Variants in HINT3 observed in about 807,000 individuals in gnomAD.
HINT3 encodes the protein adenosine 5'-monophosphoramidase HINT3.
HINT3 carries 16 observed loss-of-function variants against 19.1 expected under a neutral mutation model. That is an observed-to-expected ratio of 0.84 (90% CI 0.57 to 1.27). The LOEUF (loss-of-function observed/expected upper bound fraction) is 1.27, where lower values mean the gene tolerates loss of function less well. HINT3 is among the 50% of genes most tolerant of loss of function. The probability of loss-of-function intolerance (pLI) is 0.00; values close to 1 mark genes in which losing one functional copy is unlikely to be tolerated. For missense variants in HINT3, 197 were observed against 225.8 expected (o/e 0.87, Z 0.82); for synonymous variants, 75 against 84.8 (o/e 0.88, Z 0.63).
At chr6:125,977,088 A>G (rs941555984) in intron 4 of HINT3, among the ~76,000 whole-genome samples, 1 of 152,160 alleles carries the variant, frequency 6.6e-6, no homozygotes, top group Non-Finnish European at 1.5e-5. Context: ...TCCATAGTTT[A>G]CTTTTGAGTT....
Position 125,958,234 on chromosome 6 carries a change from T to C in HINT3, c.201+1056T>C, listed in dbSNP as rs537053446. ...CCCCCGAGAGGTTCAGTTTGTGTGA[T>C]AGAAAAACTAACAGAAATTGTCTAA... On this transcript the variant is annotated intron_variant, in intron 1 of 4. Coordinates refer to ENST00000229633, the MANE Select transcript of HINT3 (RefSeq NM_138571.5). Among the ~76,000 whole-genome samples, 6 of 151,880 alleles carry C rather than the reference T, an allele frequency of 4.0e-5. No individual in the cohort carries two copies. The South Asian group carries it at 8.3e-4, about 21-fold the overall frequency.
rs560134920 is a variant in HINT3, at chr6:125,970,858, C to T, written c.320-1401C>T. 2.0e-5 allele frequency among the ~76,000 whole-genome samples: 3 copies of T among 151,946 alleles called. No individual in the cohort carries two copies. In the South Asian group the frequency reaches 6.2e-4, roughly 32 times the overall value. ...AATTAAATTAGAAAAAGAAAAAATTCCAAAAAAAGATATAGTCTGGCTTGA... is the reference window on the plus strand; with the variant it reads ...AATTAAATTAGAAAAAGAAAAAATTTCAAAAAAAGATATAGTCTGGCTTGA... On this transcript the variant is annotated intron_variant, in intron 2 of 4. Transcript: ENST00000229633.
At position 125,974,929 on chromosome 6, in the gene HINT3, T is replaced by C. The variant is rs2128712045; in HGVS notation, c.472T>C (p.Leu158=). The C allele has an allele frequency of 6.2e-7, 1 of 1,614,030 alleles. No homozygotes were observed. Among genetic ancestry groups the C allele is most frequent in the East Asian group, 2.2e-5 (1 of 44,866 alleles). ...VLAPVDQLGF[L]SKLVYRVNSY... is the part of the protein sequence containing the mutation. ...GGCACCAGTGGATCAGCTTGGCTTC[T>C]TATCCAAGTTGGTTTATAGAGTCAA... The change falls in exon 4 of 5, where the codon TTA becomes CTA. Residue 158 remains leucine, a synonymous_variant. Transcript: ENST00000229633.
chr6:125,967,070 G>A (rs1789029218), intron 2 of HINT3, 66 bp downstream of exon 2: 2 of 1,000,498 alleles, frequency 2.0e-6, no homozygotes, highest in African/African-American at 1.6e-5. Flanking sequence ...TGGCAGTGAA[G>A]ATTAAAAAGA....
At chr6:125,962,637 C>T (rs1788960790) in intron 1 of HINT3, among the ~76,000 whole-genome samples, 1 of 152,052 alleles carries the variant, frequency 6.6e-6, no homozygotes, top group African/African-American at 2.4e-5. Flanking sequence ...ATTGGAGTTA[C>T]CAGCATCATG....
intron 4 of HINT3, among the ~76,000 whole-genome samples, chr6:125,977,439 A>G (rs1789194777): frequency 6.6e-6 from 1 of 152,160 alleles, no homozygotes; most frequent in South Asian, 2.1e-4. Context: ...TGAATTTGCA[A>G]TGTAGGCAAC....
In HINT3 at chr6:125,966,767, G is replaced by T; in HGVS notation, c.202-120G>T. On this transcript the variant is annotated intron_variant, in intron 1 of 4. Coordinates refer to ENST00000229633, the MANE Select transcript of HINT3 (RefSeq NM_138571.5). ...GTAATTATAAAATTGCCCAGTGGGG[G>T]TTAGGTGTAACATAAGTATCATTTC... is the stretch of plus-strand genomic sequence containing the variant. 4 of 594,968 alleles carry T rather than the reference G, an allele frequency of 6.7e-6. No homozygotes were observed. The South Asian group carries it at 9.7e-5, about 14-fold the overall frequency. 36.9% of individuals were successfully genotyped at this position (594,968 alleles called of 1,614,324 possible). A position where few individuals can be genotyped will look rare whatever the true frequency, so the allele number is the denominator to read the frequency against.
At chr6:125,967,900 T>G (rs1198444679) in intron 2 of HINT3, among the ~76,000 whole-genome samples, 1 of 152,214 alleles carries the variant, frequency 6.6e-6, no homozygotes, top group Non-Finnish European at 1.5e-5. Context: ...TACTCATGCC[T>G]TCTGTGGCTT....
At chr6:125,976,686 A>G (rs751549070) in intron 4 of HINT3, among the ~76,000 whole-genome samples, 14 of 152,072 alleles carry the variant, frequency 9.2e-5, no homozygotes, top group Non-Finnish European at 1.9e-4. Context: ...TTACTTGGAA[A>G]ACATCTTATA....
chr6:125,963,077 C>T (rs568511689), intron 1 of HINT3, among the ~76,000 whole-genome samples: 5 of 152,294 alleles, frequency 3.3e-5, no homozygotes, highest in African/African-American at 1.2e-4. Flanking sequence ...AGATGGTTAG[C>T]ATCCCCGATC....
chr6:125,968,368 A>G (rs939721006), intron 2 of HINT3, among the ~76,000 whole-genome samples: 4 of 152,272 alleles, frequency 2.6e-5, no homozygotes, highest in African/African-American at 9.6e-5. Context: ...GCTGCATAGT[A>G]TTACATGGTA....
rs770827496 is a variant in HINT3, at chr6:125,956,947, C to A, written c.-31C>A. On this transcript the variant is annotated 5_prime_UTR_variant, in exon 1 of 5. Coordinates refer to ENST00000229633, the MANE Select transcript of HINT3 (RefSeq NM_138571.5). ...CGCGGGCCCGGTAGCCCTGGAGAGG[C>A]CGAGGCTCTAGGCCGCGAGGGGCGG... is the stretch of plus-strand genomic sequence containing the variant. 476 of 1,545,118 alleles carry A rather than the reference C, an allele frequency of 3.1e-4. No individual in the cohort carries two copies. The highest frequency in any genetic ancestry group is 4.0e-4 in the Non-Finnish European group (458 of 1,144,488).
intron 1 of HINT3, among the ~76,000 whole-genome samples, chr6:125,963,428 A>G (rs1379911191): frequency 1.3e-5 from 2 of 152,214 alleles, no homozygotes; most frequent in Non-Finnish European, 1.5e-5. Context: ...TTAGTTCTGC[A>G]TTACAGAAAG....
rs371993982 is a variant in HINT3, at chr6:125,962,189, CAT to C, written c.202-4678_202-4677del. Among the ~76,000 whole-genome samples, 234 of 64,272 alleles carry C rather than the reference CAT, an allele frequency of 3.6e-3. 19 individuals carry two copies. Among genetic ancestry groups the C allele is most frequent in the Middle Eastern group, 8.3e-3 (1 of 120 alleles). 42.2% of individuals were successfully genotyped at this position (64,272 alleles called of 152,430 possible). ...ATATATATATATATATATATATACA[CAT>C]ATATATATATATATATATACACATA... On this transcript the variant is annotated intron_variant, in intron 1 of 4. Coordinates refer to ENST00000229633, the MANE Select transcript of HINT3 (RefSeq NM_138571.5).
In HINT3 at chr6:125,975,064, G is replaced by A. The variant is rs1037993845; in HGVS notation, c.516+91G>A. 3.3e-5 allele frequency: 40 copies of A among 1,203,556 alleles called. No individual in the cohort carries two copies. In the African/African-American group the frequency reaches 5.6e-4, roughly 17 times the overall value. 74.6% of individuals were successfully genotyped at this position (1,203,556 alleles called of 1,614,324 possible). On this transcript the variant is annotated intron_variant, in intron 4 of 4. Coordinates refer to ENST00000229633, the MANE Select transcript of HINT3 (RefSeq NM_138571.5). The stretch of plus-strand genomic sequence containing the variant: ...TTCTTCTCAACAGTAGGCACTTACA[G>A]CTCTCATAGACTTGATTACCTGTTT...
At position 125,979,881 on chromosome 6, in the gene HINT3, T is replaced by A. The variant is rs1186417341; in HGVS notation, c.*2205T>A. On this transcript the variant is annotated 3_prime_UTR_variant, in exon 5 of 5. Coordinates refer to ENST00000229633, the MANE Select transcript of HINT3 (RefSeq NM_138571.5). Reference sequence around the variant, plus strand: ...TTTATATGCTCTCATGTAAACCTATTTGTTTCCGAGATCAGACGAGATCGG... The same window carrying A: ...TTTATATGCTCTCATGTAAACCTATATGTTTCCGAGATCAGACGAGATCGG... 6.6e-6 allele frequency: 1 copy of A among 152,372 alleles called. No homozygotes were observed. Among genetic ancestry groups the A allele is most frequent in the Non-Finnish European group, 1.5e-5 (1 of 68,168 alleles). The allele number at this position is 152,372 out of a possible 1,614,324, so 9.4% of individuals were successfully genotyped here.
intron 1 of HINT3, among the ~76,000 whole-genome samples, chr6:125,959,273 A>G: frequency 6.6e-6 from 1 of 152,242 alleles, no homozygotes; most frequent in East Asian, 1.9e-4. Flanking sequence ...GGGGAGGCCT[A>G]CACAGAACTC....
At chr6:125,977,505 T>A (rs1309712201) in intron 4 of HINT3, 139 bp from the exon 5 acceptor site, 2 of 417,808 alleles carry the variant, frequency 4.8e-6, no homozygotes, top group Non-Finnish European at 8.7e-6. Flanking sequence ...TATACTGAGT[T>A]TTTTTGTAAG....
At chr6:125,977,160 T>C (rs1050925572) in intron 4 of HINT3, among the ~76,000 whole-genome samples, 47 of 152,210 alleles carry the variant, frequency 3.1e-4, no homozygotes, top group African/African-American at 9.4e-4. Context: ...TCCACCATTA[T>C]AGCATCATAC....
Sources: gnomAD v4.1 joint callset for allele counts (sites outside exome capture counted in the v4.1 genomes callset) on GRCh38, gnomAD v4.1.1 for gene constraint, MANE v1.5 for transcripts, NCBI Gene and HGNC (gene_info 2026-07-23, HGNC 2026-07-21) for gene names.